Variants in MBD2 observed in about 807,000 individuals in gnomAD.
MBD2 encodes methyl-CpG-binding domain protein 2.
MBD2 carries 9 observed loss-of-function variants against 39.3 expected under a neutral mutation model. That is an observed-to-expected ratio of 0.23 (90% CI 0.14 to 0.40). The LOEUF is 0.40. MBD2 is among the 10% of genes least tolerant of loss of function. The pLI, the probability that MBD2 is intolerant of heterozygous loss-of-function variation, is 1.00. For missense variants in MBD2, 458 were observed against 532.6 expected (o/e 0.86, Z 1.38); for synonymous variants, 233 against 211.1 (o/e 1.10, Z -0.90).
At chr18:54,188,709 T>C (rs2086299898) in intron 3 of MBD2, among the ~76,000 whole-genome samples, 165 bp downstream of exon 3, 1 of 152,224 alleles carries the variant, frequency 6.6e-6, no homozygotes, top group African/African-American at 2.4e-5. Flanking sequence ...TAAAAATATT[T>C]TACCTAAATT....
chr18:54,213,650 G>A (rs985231291), intron 1 of MBD2, among the ~76,000 whole-genome samples: 1 of 152,128 alleles, frequency 6.6e-6, no homozygotes, highest in Non-Finnish European at 1.5e-5. Flanking sequence ...ACACTGCTAC[G>A]ACACTGTCAG....
Position 54,152,681 on chromosome 18 carries a change from C to T in MBD2, c.*2643G>A, listed in dbSNP as rs1188652642. ...GGTAGTTAGGGTTATTAGCAAATGC[C>T]TCTTGGAAAGGATGTAAAACTCACA... On this transcript the variant is annotated 3_prime_UTR_variant, in exon 7 of 7. Coordinates refer to ENST00000256429, the MANE Select transcript of MBD2 (RefSeq NM_003927.5). The T allele has an allele frequency of 6.6e-5, 10 of 152,176 alleles. No homozygotes were observed. Among genetic ancestry groups the T allele is most frequent in the Admixed American group, 5.9e-4 (9 of 15,278 alleles). 9.4% of individuals were successfully genotyped at this position (152,176 alleles called of 1,614,324 possible).
chr18:54,224,325 C>T lies in MBD2; in HGVS notation c.235G>A (p.Gly79Ser). Residue 79 changes from glycine (G) to serine (S), a missense_variant, in exon 1 of 7, where the codon GGC becomes AGC. Coordinates refer to ENST00000256429, the MANE Select transcript of MBD2 (RefSeq NM_003927.5). Reference sequence around the variant, plus strand: ...CCCCGTCCCCGGCCACGGCCCCGGCCCCGGCCACGGCCACAGACGCCGCCG... The same window carrying T: ...CCCCGTCCCCGGCCACGGCCCCGGCTCCGGCCACGGCCACAGACGCCGCCG... ...RGGGVCGRGR[G>S]RGRGRGRGRG... The T allele has an allele frequency of 9.8e-7, 1 of 1,015,434 alleles. No individual in the cohort carries two copies. Among genetic ancestry groups the T allele is most frequent in the Non-Finnish European group, 1.2e-6 (1 of 849,412 alleles). 62.9% of individuals were successfully genotyped at this position (1,015,434 alleles called of 1,614,324 possible). A position where few individuals can be genotyped will look rare whatever the true frequency, so the allele number is the denominator to read the frequency against.
chr18:54,213,112 A>C (rs1480367801), intron 1 of MBD2, among the ~76,000 whole-genome samples: 3 of 151,366 alleles, frequency 2.0e-5, no homozygotes, highest in Non-Finnish European at 4.4e-5. Context: ...TTTAAAGTAT[A>C]AGGAAAAAAT....
At chr18:54,192,332 A>G (rs910833233) in intron 2 of MBD2, among the ~76,000 whole-genome samples, 5 of 152,118 alleles carry the variant, frequency 3.3e-5, no homozygotes, top group Non-Finnish European at 4.4e-5. Flanking sequence ...TCGTGGGTTC[A>G]AGCAATTCTC....
Position 54,160,148 on chromosome 18 carries a change from T to C in MBD2, c.1110-245A>G, listed in dbSNP as rs74420198. 7.7e-3 allele frequency: 3,231 copies of C among 417,402 alleles called. 28 individuals are homozygous for C. Among genetic ancestry groups the C allele is most frequent in the South Asian group, 0.015 (386 of 26,576 alleles). 25.9% of individuals were successfully genotyped at this position (417,402 alleles called of 1,614,324 possible). A position where few individuals can be genotyped will look rare whatever the true frequency, so the allele number is the denominator to read the frequency against. ...CACATGAAATTCTAGAAAGAGCAGA[T>C]TGACGTCAGTGACCTTTTCTTCAAC... On this transcript the variant is annotated intron_variant, in intron 5 of 6. Coordinates refer to ENST00000256429, the MANE Select transcript of MBD2 (RefSeq NM_003927.5).
intron 1 of MBD2, among the ~76,000 whole-genome samples, chr18:54,222,751 C>T (rs571761189): frequency 6.6e-6 from 1 of 152,374 alleles, no homozygotes; most frequent in South Asian, 2.1e-4. Flanking sequence ...CTTACTACAA[C>T]TACTCATCCA....
intron 6 of MBD2, among the ~76,000 whole-genome samples, chr18:54,158,873 C>T (rs190914962): frequency 6.6e-6 from 1 of 152,310 alleles, no homozygotes; most frequent in African/African-American, 2.4e-5. Context: ...AGTGATCCGC[C>T]TGCCTTGGCA....
At chr18:54,208,452 A>G (rs1182909697) in intron 1 of MBD2, among the ~76,000 whole-genome samples, 3 of 152,232 alleles carry the variant, frequency 2.0e-5, no homozygotes, top group South Asian at 2.1e-4. Flanking sequence ...AGATGGCGCC[A>G]CTACACTCCA....
At chr18:54,197,219 A>C (rs1185486146) in intron 2 of MBD2, among the ~76,000 whole-genome samples, 2 of 152,264 alleles carry the variant, frequency 1.3e-5, no homozygotes, top group African/African-American at 4.8e-5. Flanking sequence ...CTGGCCTCCG[A>C]CTTCCACTTC....
chr18:54,200,642 A>C (rs1008107878), intron 2 of MBD2, among the ~76,000 whole-genome samples: 1 of 150,208 alleles, frequency 6.7e-6, no homozygotes, highest in Non-Finnish European at 1.5e-5. Context: ...TAAATCCCTA[A>C]ACAATATTTA....
chr18:54,224,245 G>C lies in MBD2; in HGVS notation c.315C>G (p.Gly105=). The C allele has an allele frequency of 1.0e-6, 1 of 979,634 alleles. No homozygotes were observed. Among genetic ancestry groups the C allele is most frequent in the Non-Finnish European group, 1.2e-6 (1 of 826,060 alleles). The allele number at this position is 979,634 out of a possible 1,614,324, so 60.7% of individuals were successfully genotyped here. A position where few individuals can be genotyped will look rare whatever the true frequency, so the allele number is the denominator to read the frequency against. ...CGCCGCCGCAGCCGCCGCCGTCGCCGCCAAGGCCGCTGCCGCCACTCGGGG... is the reference window on the plus strand; with the variant it reads ...CGCCGCCGCAGCCGCCGCCGTCGCCCCCAAGGCCGCTGCCGCCACTCGGGG... ...GRPPSGGSGL[G]GDGGGCGGGG... The change falls in exon 1 of 7, where the codon GGC becomes GGG. Residue 105 remains glycine, a synonymous_variant. Coordinates refer to ENST00000256429, the MANE Select transcript of MBD2 (RefSeq NM_003927.5).
intron 6 of MBD2, among the ~76,000 whole-genome samples, chr18:54,159,334 C>T (rs1444875910): frequency 2.0e-5 from 3 of 152,128 alleles, no homozygotes; most frequent in Non-Finnish European, 4.4e-5. Flanking sequence ...CAAACAACAG[C>T]ACATGCAGAA....
intron 1 of MBD2, among the ~76,000 whole-genome samples, chr18:54,205,923 C>T (rs1453832303): frequency 1.3e-5 from 2 of 151,828 alleles, no homozygotes; most frequent in Non-Finnish European, 1.5e-5. Context: ...ACAAATTCTT[C>T]TCAAGTCAGC....
intron 6 of MBD2, among the ~76,000 whole-genome samples, chr18:54,159,373 A>T (rs1351914800): frequency 6.6e-6 from 1 of 152,056 alleles, no homozygotes; most frequent in East Asian, 1.9e-4. Context: ...TTTTTCATTC[A>T]CTGCTGAGGA....
At chr18:54,205,247 C>A in intron 1 of MBD2, 90 bp from the exon 2 acceptor site, 1 of 1,089,666 alleles carries the variant, frequency 9.2e-7, no homozygotes, top group Admixed American at 2.4e-5. Context: ...TCAATTGATA[C>A]CCCATTCTAA....
At position 54,224,411 on chromosome 18, in the gene MBD2, C is replaced by T; in HGVS notation, c.149G>A (p.Arg50His). 8.0e-7 allele frequency: 1 copy of T among 1,246,170 alleles called. No individual in the cohort carries two copies. Among genetic ancestry groups the T allele is most frequent in the South Asian group, 3.1e-5 (1 of 32,320 alleles). The allele number at this position is 1,246,170 out of a possible 1,614,324, so 77.2% of individuals were successfully genotyped here. ...ALAPSPVSGV[R>H]REGARGGGRG... ...GCCGCCGCCCCGAGCGCCTTCCCTG[C>T]GCACGCCGCTCACCGGGGACGGGGC... The change falls in exon 1 of 7, where the codon CGC becomes CAC. Residue 50 changes from arginine (R) to histidine (H), a missense_variant. By Grantham distance (29) the Arg-to-His change is conservative. Around this residue, in one of 2 missense-constraint regions of MBD2, gnomAD observed 269 missense variants for 236.0 expected, o/e 1.14. Transcript: ENST00000256429.
chr18:54,172,934 C>T (rs2086188488), intron 3 of MBD2, among the ~76,000 whole-genome samples: 1 of 152,234 alleles, frequency 6.6e-6, no homozygotes, highest in South Asian at 2.1e-4. Context: ...ATGCCCAGTA[C>T]ACAGCAACTA....
At chr18:54,162,448 T>C (rs1182808719) in intron 5 of MBD2, among the ~76,000 whole-genome samples, 2 of 152,146 alleles carry the variant, frequency 1.3e-5, no homozygotes, top group Non-Finnish European at 1.5e-5. Flanking sequence ...CAACAAGGAG[T>C]ATTTTCTTCC....
Sources: gnomAD v4.1 joint callset for allele counts (sites outside exome capture counted in the v4.1 genomes callset) on GRCh38, gnomAD v4.1.1 for gene constraint, gnomAD v4.1.1 regional missense constraint, MANE v1.5 for transcripts, NCBI Gene and HGNC (gene_info 2026-07-23, HGNC 2026-07-21) for gene names.